The following CNTN6 variants were observed in gnomAD, a reference collection of about 807,000 sequenced individuals.
The protein encoded by CNTN6 is contactin-6.
A neutral mutation model predicts 122.8 loss-of-function variants in CNTN6; 137 were observed. The ratio of observed to expected loss-of-function variants is 1.12; its 90% confidence interval spans 0.97 to 1.29. CNTN6 has a LOEUF of 1.29. CNTN6 is among the 50% of genes most tolerant of loss of function. The probability of loss-of-function intolerance (pLI) is 0.00; values close to 1 mark genes in which losing one functional copy is unlikely to be tolerated. For missense variants in CNTN6, 1,634 were observed against 1,223.4 expected, an observed-to-expected ratio of 1.34 and a Z score of -5.01; for synonymous variants, 570 against 426.0, an observed-to-expected ratio of 1.34 and a Z score of -4.16.
At chr3:1,379,509 A>C (rs1393212499) in intron 17 of CNTN6, among the ~76,000 whole-genome samples, 1 of 152,248 alleles carries the variant, frequency 6.6e-6, no homozygotes, top group African/African-American at 2.4e-5. Flanking sequence ...TCATACCCCA[A>C]ACCTCAGCAT....
At chr3:1,310,324 T>C (rs1419383239) in intron 7 of CNTN6, among the ~76,000 whole-genome samples, 1 of 152,160 alleles carries the variant, frequency 6.6e-6, no homozygotes, top group Non-Finnish European at 1.5e-5. Flanking sequence ...AATTTTTATT[T>C]TGGATAGGTG....
At chr3:1,360,599 C>G (rs181232611) in intron 12 of CNTN6, among the ~76,000 whole-genome samples, 1 of 150,370 alleles carries the variant, frequency 6.7e-6, no homozygotes, top group Admixed American at 6.6e-5. Flanking sequence ...TATGTATACA[C>G]GTATTTTTTT....
At chr3:1,105,132 T>C (rs1037367734) in intron 1 of CNTN6, among the ~76,000 whole-genome samples, 1 of 152,134 alleles carries the variant, frequency 6.6e-6, no homozygotes, top group African/African-American at 2.4e-5. Context: ...CCCTCTGTAC[T>C]TGCAGGCAGG....
rs2093721745 is a variant in CNTN6 at position 1,192,804 on chromosome 3, T to C, written c.56-27883T>C. 2.6e-5 allele frequency among the ~76,000 whole-genome samples: 4 copies of C among 152,278 alleles called. No individual in the cohort carries two copies. In the South Asian group the frequency reaches 6.2e-4, roughly 24 times the overall value. On this transcript the variant is annotated intron_variant, in intron 2 of 22. Transcript: ENST00000446702. Reference sequence around the variant, plus strand: ...AATATGAAAATAAGATATTTCTCTTTTATTTTTGTCCTCCCTTATCCAGCT... The same window carrying C: ...AATATGAAAATAAGATATTTCTCTTCTATTTTTGTCCTCCCTTATCCAGCT...
Position 1,336,743 on chromosome 3 carries a change from C to T in CNTN6, c.1364+6808C>T, listed in dbSNP as rs555532887. On this transcript the variant is annotated intron_variant, in intron 11 of 22. Coordinates refer to ENST00000446702, the MANE Select transcript of CNTN6 (RefSeq NM_001289080.2). ...GAGTCTTATTCAATTATTGAACAAG[C>T]GGTGCTTCTTCAATATTTTTGCCTT... 6.6e-4 allele frequency among the ~76,000 whole-genome samples: 100 copies of T among 152,024 alleles called. 1 individual carries two copies. Among genetic ancestry groups the T allele is most frequent in the African/African-American group, 2.2e-3 (90 of 41,470 alleles).
At chr3:1,321,542 G>C in intron 7 of CNTN6, 108 bp from the exon 8 acceptor site, 2 of 983,670 alleles carry the variant, frequency 2.0e-6, no homozygotes, top group Non-Finnish European at 3.0e-6. Flanking sequence ...TAATACAACA[G>C]ATTGATAGAA....
chr3:1,378,835 C>A, intron 17 of CNTN6, among the ~76,000 whole-genome samples: 1 of 152,026 alleles, frequency 6.6e-6, no homozygotes, highest in Non-Finnish European at 1.5e-5. Context: ...TCTTCATGCA[C>A]TGTGATGGCT....
intron 1 of CNTN6, among the ~76,000 whole-genome samples, chr3:1,120,528 T>C (rs2091910613): frequency 6.6e-6 from 1 of 151,976 alleles, no homozygotes; most frequent in African/African-American, 2.4e-5. Context: ...CCTATTTGCT[T>C]CTTTTTAATA....
intron 7 of CNTN6, among the ~76,000 whole-genome samples, chr3:1,298,849 G>T (rs115340914): frequency 1.1e-3 from 161 of 152,160 alleles, no homozygotes; most frequent in African/African-American, 3.7e-3. Context: ...AATAGTAAAA[G>T]ACTTGACTGA....
At chr3:1,170,452 A>C (rs2093340699) in intron 2 of CNTN6, among the ~76,000 whole-genome samples, 1 of 152,152 alleles carries the variant, frequency 6.6e-6, no homozygotes, top group South Asian at 2.1e-4. Flanking sequence ...TTTAAATAAC[A>C]AACCTGGGTG....
chr3:1,208,365 CA>C (rs1278475348), intron 2 of CNTN6, among the ~76,000 whole-genome samples: 1 of 144,360 alleles, frequency 6.9e-6, no homozygotes, highest in Non-Finnish European at 1.5e-5. Context: ...TATCTTTATT[CA>C]AGCTTTTCTT....
At chr3:1,281,884 C>T (rs1693509293) in intron 5 of CNTN6, among the ~76,000 whole-genome samples, 1 of 151,926 alleles carries the variant, frequency 6.6e-6, no homozygotes. Flanking sequence ...ATCCTGAATT[C>T]TTTATGCTTT....
chr3:1,266,449 C>T (rs2094927568), intron 4 of CNTN6, among the ~76,000 whole-genome samples: 1 of 152,192 alleles, frequency 6.6e-6, no homozygotes, highest in Non-Finnish European at 1.5e-5. Context: ...CTCTGGTAAA[C>T]TCAGAGCTTA....
intron 5 of CNTN6, among the ~76,000 whole-genome samples, chr3:1,287,818 C>T (rs950115327): frequency 6.6e-6 from 1 of 152,194 alleles, no homozygotes; most frequent in East Asian, 1.9e-4. Context: ...CCAATATGGT[C>T]TAAAAGTGTG....
intron 1 of CNTN6, among the ~76,000 whole-genome samples, chr3:1,123,417 T>A (rs1416641796): frequency 6.6e-6 from 1 of 151,230 alleles, no homozygotes; most frequent in Non-Finnish European, 1.5e-5. Flanking sequence ...TATTATACGT[T>A]GATGTTTTTT....
intron 17 of CNTN6, among the ~76,000 whole-genome samples, chr3:1,380,779 G>A (rs537924294): frequency 6.6e-6 from 1 of 152,154 alleles, no homozygotes. Flanking sequence ...GATGTGGCTA[G>A]AAGTACATAG....
chr3:1,237,260 C>T (rs1488113139), intron 4 of CNTN6, among the ~76,000 whole-genome samples: 1 of 151,678 alleles, frequency 6.6e-6, no homozygotes, highest in Non-Finnish European at 1.5e-5. Flanking sequence ...AAAGTCTAAG[C>T]AATAGAATCA....
intron 2 of CNTN6, among the ~76,000 whole-genome samples, chr3:1,179,950 C>T (rs1031536769): frequency 6.6e-6 from 1 of 152,202 alleles, no homozygotes; most frequent in Admixed American, 6.5e-5. Context: ...TGCTAGCTTA[C>T]CCTCTCTCCC....
At chr3:1,327,363 A>C (rs1701676561) in intron 9 of CNTN6, 94 bp from the exon 10 acceptor site, 4 of 1,306,520 alleles carry the variant, frequency 3.1e-6, no homozygotes, top group African/African-American at 1.5e-5. Flanking sequence ...ATCAGATCTC[A>C]TAGATATACA....
Sources: gnomAD v4.1 joint callset for allele counts (sites outside exome capture counted in the v4.1 genomes callset) on GRCh38, gnomAD v4.1.1 for gene constraint, MANE v1.5 for transcripts, NCBI Gene and HGNC (gene_info 2026-07-23, HGNC 2026-07-21) for gene names.